The following ROBO2 variants were observed in gnomAD, a reference collection of about 807,000 sequenced individuals.
ROBO2 encodes roundabout guidance receptor 2, also known as roundabout homolog 2.
A neutral mutation model predicts 160.8 loss-of-function variants in ROBO2; 53 were observed. The ratio of observed to expected loss-of-function variants is 0.33; its 90% CI spans 0.26 to 0.41. ROBO2 has a LOEUF of 0.41. ROBO2 is among the 10% of genes least tolerant of loss of function. ROBO2 has a pLI of 1.00. For missense variants in ROBO2, 1,577 were observed against 1,722.4 expected, an observed-to-expected ratio of 0.92 and a Z score of 1.49; for synonymous variants, 664 against 611.7, an observed-to-expected ratio of 1.09 and a Z score of -1.26.
chr3:77,429,156 T>G (rs756404335), intron 2 of ROBO2, among the ~76,000 whole-genome samples: 1 of 152,216 alleles, frequency 6.6e-6, no homozygotes, highest in African/African-American at 2.4e-5. Flanking sequence ...ATATCCAAAG[T>G]GTGCATTCAA....
chr3:77,428,417 G>A lies in ROBO2; in HGVS notation c.389-48997G>A, dbSNP rs149068324. 1.7e-3 allele frequency among the ~76,000 whole-genome samples: 245 copies of A among 141,750 alleles called. 1 individual carries two copies. Among genetic ancestry groups the A allele is most frequent in the African/African-American group, 6.1e-3 (230 of 37,614 alleles). 93.0% of individuals were successfully genotyped at this position (141,750 alleles called of 152,430 possible). ...AGGCCGGACTGCGGACTGCAGTGGCGCAATCTCGGCTCACTTGCAAGCTCC... is the reference window on the plus strand; with the variant it reads ...AGGCCGGACTGCGGACTGCAGTGGCACAATCTCGGCTCACTTGCAAGCTCC... On this transcript the variant is annotated intron_variant, in intron 2 of 25. Transcript: ENST00000461745.
intron 2 of ROBO2, among the ~76,000 whole-genome samples, chr3:76,848,187 G>A (rs1352582198): frequency 6.6e-6 from 1 of 151,962 alleles, no homozygotes; most frequent in Non-Finnish European, 1.5e-5. Context: ...ACCTAATTTT[G>A]GTATATTGCA....
At chr3:76,044,701 C>T (rs1032925404) in intron 2 of ROBO2, among the ~76,000 whole-genome samples, 1 of 151,976 alleles carries the variant, frequency 6.6e-6, no homozygotes, top group Non-Finnish European at 1.5e-5. Context: ...ACAGAAAAAA[C>T]TCATAGGAAT....
rs572625054 is a variant in ROBO2, at chr3:75,914,708, G to A, written c.-14+7748G>A. On this transcript the variant is annotated intron_variant, in intron 1 of 26. Transcript: ENST00000487694. ...TTGGAGTAAAGAACTCTACGGATGC[G>A]TAAGTAACTCTTAATGAGAATGAGT... 9.9e-5 allele frequency among the ~76,000 whole-genome samples: 15 copies of A among 152,244 alleles called. No homozygotes were observed. The South Asian group carries it at 2.5e-3, about 25-fold the overall frequency.
At chr3:77,066,454 A>G (rs1327380289) in intron 1 of ROBO2, among the ~76,000 whole-genome samples, 1 of 152,108 alleles carries the variant, frequency 6.6e-6, no homozygotes, top group Non-Finnish European at 1.5e-5. Flanking sequence ...TCCTGTATTA[A>G]TTATAGTCTA....
At chr3:77,642,821 G>C (rs1241648440) in intron 24 of ROBO2, 1 of 456,556 alleles carries the variant, frequency 2.2e-6, no homozygotes. Context: ...GACACAAAGA[G>C]CTCATTGGAT....
intron 2 of ROBO2, among the ~76,000 whole-genome samples, chr3:76,851,688 T>C (rs2069377282): frequency 7.2e-6 from 1 of 138,346 alleles, no homozygotes; most frequent in South Asian, 2.4e-4. Flanking sequence ...TGAGCCGAGA[T>C]TGCGCCACTG....
chr3:76,219,654 A>C (rs910561157), intron 2 of ROBO2, among the ~76,000 whole-genome samples: 19 of 152,142 alleles, frequency 1.2e-4, no homozygotes, highest in Non-Finnish European at 2.1e-4. Flanking sequence ...TTAGAATGGC[A>C]ATCATTAAAA....
chr3:76,428,459 T>C (rs1420703699), intron 2 of ROBO2, among the ~76,000 whole-genome samples: 1 of 152,200 alleles, frequency 6.6e-6, no homozygotes, highest in African/African-American at 2.4e-5. Flanking sequence ...TCATCAGCAC[T>C]ATATGTCTAT....
intron 2 of ROBO2, among the ~76,000 whole-genome samples, chr3:77,320,872 C>T (rs1312045567): frequency 1.3e-5 from 2 of 152,048 alleles, no homozygotes; most frequent in Non-Finnish European, 2.9e-5. Context: ...ATGAATGTGG[C>T]TTGCAACTAA....
chr3:76,951,214 C>G (rs2078935119), intron 2 of ROBO2, among the ~76,000 whole-genome samples: 1 of 152,200 alleles, frequency 6.6e-6, no homozygotes, highest in Non-Finnish European at 1.5e-5. Flanking sequence ...TGATCTGTAA[C>G]CTATTTCTCT....
intron 2 of ROBO2, among the ~76,000 whole-genome samples, chr3:77,326,003 T>G (rs1213788897): frequency 6.6e-6 from 1 of 152,212 alleles, no homozygotes; most frequent in African/African-American, 2.4e-5. Flanking sequence ...CCATTGATTT[T>G]TTTCTTTAGT....
intron 2 of ROBO2, among the ~76,000 whole-genome samples, chr3:76,923,443 G>C (rs2076794368): frequency 6.6e-6 from 1 of 152,188 alleles, no homozygotes. Context: ...TGGCAGGTGG[G>C]TGCGAATGTG....
chr3:76,252,491 T>A (rs1304342806), intron 2 of ROBO2, among the ~76,000 whole-genome samples: 1 of 152,020 alleles, frequency 6.6e-6, no homozygotes, highest in African/African-American at 2.4e-5. Context: ...AGTTGATCAA[T>A]GCTAGTTGCA....
At chr3:76,632,034 C>T (rs948850169) in intron 2 of ROBO2, among the ~76,000 whole-genome samples, 6 of 152,274 alleles carry the variant, frequency 3.9e-5, no homozygotes, top group Non-Finnish European at 8.8e-5. Flanking sequence ...TTAATTCATT[C>T]ATTTATTTGA....
At chr3:76,267,202 A>C (rs566792538) in intron 2 of ROBO2, among the ~76,000 whole-genome samples, 1 of 152,302 alleles carries the variant, frequency 6.6e-6, no homozygotes, top group Admixed American at 6.5e-5. Context: ...CTATTAGTCA[A>C]ACCATCTCTT....
At chr3:76,801,039 T>G (rs2064158408) in intron 2 of ROBO2, among the ~76,000 whole-genome samples, 1 of 152,138 alleles carries the variant, frequency 6.6e-6, no homozygotes, top group Admixed American at 6.6e-5. Context: ...GAAAACATGG[T>G]ACATATACAC....
intron 2 of ROBO2, among the ~76,000 whole-genome samples, chr3:76,588,036 AT>A (rs2086166673): frequency 2.0e-5 from 3 of 152,166 alleles, no homozygotes; most frequent in African/African-American, 7.2e-5. Context: ...TATTTATAAA[AT>A]TAATGGGGTG....
intron 2 of ROBO2, among the ~76,000 whole-genome samples, chr3:76,147,930 T>G (rs1255795048): frequency 6.6e-6 from 1 of 151,964 alleles, no homozygotes; most frequent in African/African-American, 2.4e-5. Context: ...AACTTAACAT[T>G]TCATAATGTT....
Sources: gnomAD v4.1 joint callset for allele counts (sites outside exome capture counted in the v4.1 genomes callset) on GRCh38, gnomAD v4.1.1 for gene constraint, MANE v1.5 for transcripts, NCBI Gene and HGNC (gene_info 2026-07-23, HGNC 2026-07-21) for gene names.